The following ARHGAP24 variants were observed in gnomAD, a reference collection of about 807,000 sequenced individuals.
ARHGAP24 encodes rho GTPase-activating protein 24.
ARHGAP24 carries 50 observed loss-of-function variants against 76.4 expected under a neutral mutation model. The observed-to-expected ratio is 0.65, with a 90% CI of 0.52 to 0.83. ARHGAP24 has a LOEUF of 0.83. Ranked by LOEUF, ARHGAP24 falls within the 40% of genes least tolerant of loss-of-function variation. The pLI, the probability that ARHGAP24 is intolerant of heterozygous loss-of-function variation, is 0.00. For missense variants in ARHGAP24, 930 were observed against 914.2 expected, an observed-to-expected ratio of 1.02 and a Z score of -0.22; for synonymous variants, 345 against 323.3, an observed-to-expected ratio of 1.07 and a Z score of -0.72.
At chr4:85,685,638 A>C (rs368359475) in intron 2 of ARHGAP24, among the ~76,000 whole-genome samples, 2 of 137,824 alleles carry the variant, frequency 1.5e-5, no homozygotes, top group African/African-American at 3.5e-5. Flanking sequence ...GTCTCAAAAA[A>C]AAAAAAAAAG....
At chr4:85,782,036 C>CAAAAAAAAAAAAAAAAAAAAAA (rs11353046) in intron 3 of ARHGAP24, among the ~76,000 whole-genome samples, 1 of 106,656 alleles carries the variant, frequency 9.4e-6, no homozygotes. Context: ...GATTCTATCT[C>CAAAAAAAAAAAAAAAAAAAAAA]AAAAAAAAAA....
intron 3 of ARHGAP24, among the ~76,000 whole-genome samples, chr4:85,824,463 G>A (rs906207825): frequency 6.6e-6 from 1 of 152,184 alleles, no homozygotes; most frequent in Non-Finnish European, 1.5e-5. Flanking sequence ...AGACCTTCAT[G>A]AGTATCTGTG....
intron 3 of ARHGAP24, among the ~76,000 whole-genome samples, chr4:85,863,618 G>C (rs1337274136): frequency 6.6e-6 from 1 of 152,024 alleles, no homozygotes; most frequent in East Asian, 1.9e-4. Flanking sequence ...TACCATTGTT[G>C]TGAGTTTGTC....
intron 1 of ARHGAP24, among the ~76,000 whole-genome samples, chr4:85,561,125 G>T (rs184294141): frequency 1.1e-3 from 163 of 152,212 alleles, no homozygotes; most frequent in African/African-American, 3.8e-3. Flanking sequence ...TAAAAACAAG[G>T]TCTACATGTG....
intron 3 of ARHGAP24, among the ~76,000 whole-genome samples, chr4:85,839,916 C>G (rs577807331): frequency 2.8e-5 from 4 of 141,988 alleles, no homozygotes; most frequent in South Asian, 2.2e-4. Flanking sequence ...GTGGCGCAAC[C>G]TTGGCTCACT....
At chr4:85,652,768 G>A (rs912512451) in intron 2 of ARHGAP24, among the ~76,000 whole-genome samples, 1 of 152,140 alleles carries the variant, frequency 6.6e-6, no homozygotes, top group South Asian at 2.1e-4. Flanking sequence ...GGTGGTATGT[G>A]GTGTGCTTCC....
At chr4:85,535,870 C>G (rs1725448342) in intron 1 of ARHGAP24, among the ~76,000 whole-genome samples, 1 of 152,120 alleles carries the variant, frequency 6.6e-6, no homozygotes, top group Non-Finnish European at 1.5e-5. Flanking sequence ...TCATTAGTCA[C>G]TGTTTTTTCA....
intron 2 of ARHGAP24, among the ~76,000 whole-genome samples, chr4:85,707,306 G>C (rs1724351656): frequency 6.6e-6 from 1 of 152,212 alleles, no homozygotes; most frequent in Non-Finnish European, 1.5e-5. Context: ...TGTGGGTAAA[G>C]AGAATGCTGA....
Position 85,781,204 on chromosome 4 carries a change from A to G in ARHGAP24, c.268+59232A>G, listed in dbSNP as rs571311183. Among the ~76,000 whole-genome samples the G allele has an allele frequency of 3.3e-5, 5 of 152,378 alleles. No individual in the cohort carries two copies. The East Asian group carries it at 9.6e-4, about 29-fold the overall frequency. On this transcript the variant is annotated intron_variant, in intron 3 of 9. Transcript: ENST00000395184. ...TTTCTGATTTCTTGAATGGCTTTCT[A>G]ACTTACAAGTTCTTTTAAGCTGAAA...
rs192959589 is a variant in ARHGAP24, at chr4:85,870,022, T to C, written c.269-53626T>C. On this transcript the variant is annotated intron_variant, in intron 3 of 9. Coordinates refer to ENST00000395184, the MANE Select transcript of ARHGAP24 (RefSeq NM_001025616.3). ...AATTTCATCATCTGTAAAATGGGCC[T>C]GACAATAATAGTAGCTACCTAAGAT... Among the ~76,000 whole-genome samples, 1,080 of 152,296 alleles carry C rather than the reference T, an allele frequency of 7.1e-3. 10 individuals carry two copies. The highest frequency in any genetic ancestry group is 0.025 in the African/African-American group (1,033 of 41,570).
chr4:85,529,785 C>A (rs778389072), intron 1 of ARHGAP24, among the ~76,000 whole-genome samples: 28 of 152,088 alleles, frequency 1.8e-4, no homozygotes, highest in African/African-American at 6.5e-4. Flanking sequence ...AAAAATATGT[C>A]ATTCTCCTGA....
chr4:85,813,934 G>A (rs1292138209), intron 3 of ARHGAP24, among the ~76,000 whole-genome samples: 1 of 151,192 alleles, frequency 6.6e-6, no homozygotes, highest in Admixed American at 6.6e-5. Context: ...AGGTTTATTG[G>A]ACTTACAGTT....
At chr4:85,797,941 T>G (rs1354138165) in intron 3 of ARHGAP24, among the ~76,000 whole-genome samples, 1 of 152,180 alleles carries the variant, frequency 6.6e-6, no homozygotes, top group East Asian at 1.9e-4. Flanking sequence ...AACTACAGAA[T>G]TTACTGCATG....
At chr4:85,952,564 A>T (rs1017656395) in intron 5 of ARHGAP24, among the ~76,000 whole-genome samples, 7 of 152,218 alleles carry the variant, frequency 4.6e-5, no homozygotes, top group African/African-American at 1.7e-4. Context: ...TTCATACGCT[A>T]TTGGAATTTG....
chr4:85,793,217 TTTG>T (rs1261871426), intron 3 of ARHGAP24, among the ~76,000 whole-genome samples: 2 of 152,178 alleles, frequency 1.3e-5, no homozygotes, highest in Non-Finnish European at 2.9e-5. Context: ...AATGCACATA[TTTG>T]AGTCTGAAGT....
At chr4:85,728,793 A>G (rs1725277722) in intron 3 of ARHGAP24, among the ~76,000 whole-genome samples, 1 of 152,226 alleles carries the variant, frequency 6.6e-6, no homozygotes, top group Non-Finnish European at 1.5e-5. Flanking sequence ...TTTTGGGATA[A>G]TAATGTAACA....
chr4:85,517,084 A>G (rs1193348465), intron 1 of ARHGAP24, among the ~76,000 whole-genome samples: 1 of 152,106 alleles, frequency 6.6e-6, no homozygotes, highest in Non-Finnish European at 1.5e-5. Flanking sequence ...TTTCCACAGC[A>G]CTTGGTCCAT....
At chr4:85,490,948 C>G (rs951677730) in intron 1 of ARHGAP24, among the ~76,000 whole-genome samples, 1 of 152,162 alleles carries the variant, frequency 6.6e-6, no homozygotes, top group African/African-American at 2.4e-5. Flanking sequence ...TATTCCAACA[C>G]AAATGCTTCT....
intron 3 of ARHGAP24, among the ~76,000 whole-genome samples, chr4:85,735,053 G>C (rs12644984): frequency 0.13 from 19,962 of 151,840 alleles, 1,789 homozygotes; most frequent in East Asian, 0.36. Context: ...ATCTGTCTTT[G>C]AATTCCTTCC....
Sources: gnomAD v4.1 joint callset for allele counts (sites outside exome capture counted in the v4.1 genomes callset) on GRCh38, gnomAD v4.1.1 for gene constraint, MANE v1.5 for transcripts, NCBI Gene and HGNC (gene_info 2026-07-23, HGNC 2026-07-21) for gene names.